KAZN: variants seen among roughly 807,000 people sequenced by gnomAD.
The protein encoded by KAZN is kazrin.
KAZN carries 40 observed loss-of-function variants against 87.4 expected under a neutral mutation model. The ratio of observed to expected loss-of-function variants is 0.46; its 90% CI spans 0.36 to 0.60. The LOEUF (loss-of-function observed/expected upper bound fraction) is 0.60. Ranked by LOEUF, KAZN falls within the 20% of genes least tolerant of loss-of-function variation. KAZN has a pLI of 0.00. For synonymous variants in KAZN, 466 were observed against 458.3 expected, an observed-to-expected ratio of 1.02 and a Z score of -0.22; for missense variants, 898 against 1,073.9, an observed-to-expected ratio of 0.84 and a Z score of 2.29.
chr1:14,032,010 A>C (rs1641350149), intron 1 of KAZN, among the ~76,000 whole-genome samples: 2 of 152,164 alleles, frequency 1.3e-5, no homozygotes, highest in South Asian at 2.1e-4. Context: ...TTACGTCTGG[A>C]TGGCTGGCTG....
intron 1 of KAZN, among the ~76,000 whole-genome samples, chr1:14,697,076 G>A (rs1641643998): frequency 6.7e-6 from 1 of 150,164 alleles, no homozygotes; most frequent in Non-Finnish European, 1.5e-5. Flanking sequence ...AGGATTGCTT[G>A]AGCCCAGGAG....
At chr1:14,947,225 G>T (rs543425680) in intron 1 of KAZN, among the ~76,000 whole-genome samples, 2 of 152,210 alleles carry the variant, frequency 1.3e-5, no homozygotes, top group African/African-American at 4.8e-5. Context: ...ACTAATGCGC[G>T]GCCTTCCTTC....
At chr1:14,728,876 T>G (rs1643544255) in intron 1 of KAZN, among the ~76,000 whole-genome samples, 1 of 152,230 alleles carries the variant, frequency 6.6e-6, no homozygotes, top group African/African-American at 2.4e-5. Flanking sequence ...AAGGATTAGA[T>G]GAGCGAGCAT....
At chr1:14,578,459 T>C (rs986380359) in intron 2 of KAZN, among the ~76,000 whole-genome samples, 1 of 152,114 alleles carries the variant, frequency 6.6e-6, no homozygotes, top group Non-Finnish European at 1.5e-5. Flanking sequence ...GGGAAAGTGA[T>C]ACACAAGAAG....
At chr1:15,048,779 G>A (rs1294183844) in intron 4 of KAZN, among the ~76,000 whole-genome samples, 6 of 144,270 alleles carry the variant, frequency 4.2e-5, no homozygotes, top group South Asian at 2.2e-4. Flanking sequence ...ATCCTGGGTC[G>A]TTGATCCTTG....
intron 1 of KAZN, among the ~76,000 whole-genome samples, chr1:14,885,083 G>C (rs550493862): frequency 2.0e-5 from 3 of 152,336 alleles, no homozygotes; most frequent in East Asian, 1.9e-4. Flanking sequence ...CAAGCAGTTA[G>C]AGAAGTCTTC....
intron 1 of KAZN, among the ~76,000 whole-genome samples, chr1:14,034,810 A>C (rs1218145079): frequency 6.6e-6 from 1 of 152,186 alleles, no homozygotes; most frequent in Non-Finnish European, 1.5e-5. Context: ...GCTCTGTGTA[A>C]TCAAGGAATG....
intron 2 of KAZN, among the ~76,000 whole-genome samples, chr1:14,211,927 T>C (rs1342161466): frequency 2.0e-5 from 3 of 152,112 alleles, no homozygotes; most frequent in East Asian, 1.9e-4. Context: ...ACCCCGTTAA[T>C]TTTGTCCTAT....
intron 2 of KAZN, among the ~76,000 whole-genome samples, chr1:14,405,523 C>T (rs12405445): frequency 0.15 from 22,828 of 151,778 alleles, 1,780 homozygotes; most frequent in East Asian, 0.23. Context: ...AAAGACCTGC[C>T]TCAGCACTTC....
chr1:14,913,411 C>T (rs1235240147), intron 1 of KAZN, among the ~76,000 whole-genome samples: 3 of 152,228 alleles, frequency 2.0e-5, no homozygotes, highest in East Asian at 3.8e-4. Context: ...GTCCTTCCTA[C>T]GTATCTGTTC....
chr1:13,960,167 A>G (rs1329907512), intron 1 of KAZN, among the ~76,000 whole-genome samples: 2 of 152,078 alleles, frequency 1.3e-5, no homozygotes, highest in Non-Finnish European at 2.9e-5. Flanking sequence ...TAAATAATTC[A>G]CTTCTACAAT....
chr1:14,812,554 T>C (rs1309602821), intron 1 of KAZN, among the ~76,000 whole-genome samples: 2 of 152,176 alleles, frequency 1.3e-5, no homozygotes, highest in East Asian at 3.8e-4. Context: ...TGCTCTATCA[T>C]CCAGGCTGGA....
chr1:14,146,705 G>GAAA (rs34508324), intron 1 of KAZN, among the ~76,000 whole-genome samples: 10 of 137,318 alleles, frequency 7.3e-5, no homozygotes, highest in Admixed American at 5.0e-4. Context: ...GATCATCTCA[G>GAAA]AAAAAAAAAA....
In KAZN at chr1:14,547,216, A is replaced by G. The variant is rs145773934; in HGVS notation, c.250-51767A>G. 7.9e-5 allele frequency among the ~76,000 whole-genome samples: 12 copies of G among 152,310 alleles called. No homozygotes were observed. The East Asian group carries it at 2.3e-3, about 29-fold the overall frequency. The stretch of plus-strand genomic sequence containing the variant: ...TTTTTTTCCTTGACCTTCTCAATGC[A>G]AGCTACCTTTGGCCTATGTCCTGCC... On this transcript the variant is annotated intron_variant, in intron 2 of 16. Transcript: ENST00000636203.
At chr1:14,931,283 A>C (rs961408346) in intron 1 of KAZN, among the ~76,000 whole-genome samples, 3 of 152,020 alleles carry the variant, frequency 2.0e-5, no homozygotes, top group Non-Finnish European at 4.4e-5. Flanking sequence ...CTAAAAAAAA[A>C]AAATACAAAA....
intron 1 of KAZN, among the ~76,000 whole-genome samples, chr1:13,987,861 CAG>C (rs1639093238): frequency 6.6e-6 from 1 of 152,062 alleles, no homozygotes; most frequent in Admixed American, 6.5e-5. Flanking sequence ...TTACAAAGAA[CAG>C]AGATTAATTT....
chr1:14,046,972 G>C (rs1255456635), intron 1 of KAZN, among the ~76,000 whole-genome samples: 1 of 152,132 alleles, frequency 6.6e-6, no homozygotes, highest in Non-Finnish European at 1.5e-5. Context: ...AGGGTGCCTG[G>C]GGCACCTTAT....
At chr1:14,050,910 C>G (rs1182236791) in intron 1 of KAZN, among the ~76,000 whole-genome samples, 1 of 152,206 alleles carries the variant, frequency 6.6e-6, no homozygotes, top group Non-Finnish European at 1.5e-5. Flanking sequence ...TGTATTATGA[C>G]AAACAAGCAT....
At chr1:14,815,566 T>G (rs746923052) in intron 1 of KAZN, among the ~76,000 whole-genome samples, 1 of 152,196 alleles carries the variant, frequency 6.6e-6, no homozygotes, top group Non-Finnish European at 1.5e-5. Context: ...TATCATTGCA[T>G]GTGGGGAGGA....
Sources: gnomAD v4.1 joint callset for allele counts (sites outside exome capture counted in the v4.1 genomes callset) on GRCh38, gnomAD v4.1.1 for gene constraint, MANE v1.5 for transcripts, NCBI Gene and HGNC (gene_info 2026-07-23, HGNC 2026-07-21) for gene names.